Variants in GRIP1 observed in about 807,000 individuals in gnomAD.
The protein encoded by GRIP1 is glutamate receptor interacting protein 1.
A neutral mutation model predicts 129.9 loss-of-function variants in GRIP1; 45 were observed. That is an observed-to-expected ratio of 0.35 (90% CI 0.27 to 0.44). GRIP1 has a LOEUF of 0.44. Among genes scored for constraint, GRIP1 ranks in the 20% least tolerant of loss-of-function variants. The pLI is 1.00. For synonymous variants in GRIP1, 530 were observed against 520.8 expected (o/e 1.02, Z -0.24); for missense variants, 1,196 against 1,396.8 (o/e 0.86, Z 2.29).
At chr12:66,827,154 T>C (rs80192838) in intron 1 of GRIP1, among the ~76,000 whole-genome samples, 4,665 of 152,080 alleles carry the variant, frequency 0.031, 92 homozygotes, top group Non-Finnish European at 0.043. Context: ...GGGTCCGGAG[T>C]CTTGACAAGG....
intron 1 of GRIP1, among the ~76,000 whole-genome samples, chr12:66,614,081 G>T (rs1351887057): frequency 6.6e-6 from 1 of 151,968 alleles, no homozygotes; most frequent in East Asian, 1.9e-4. Context: ...ACCTCTGTTG[G>T]TGCCTCCTTC....
At chr12:66,516,455 GA>G (rs1422656985) in intron 6 of GRIP1, among the ~76,000 whole-genome samples, 7 of 152,102 alleles carry the variant, frequency 4.6e-5, no homozygotes, top group Admixed American at 3.3e-4. Flanking sequence ...CAAATGGTGG[GA>G]TTATATGTTT....
intron 2 of GRIP1, chr12:66,571,179 A>C (rs1592572076): frequency 6.6e-6 from 1 of 152,324 alleles, no homozygotes; most frequent in African/African-American, 2.4e-5. Context: ...TAAACATGAA[A>C]CTGTAAAACC....
At chr12:67,042,790 T>C (rs972039374) in intron 1 of GRIP1, among the ~76,000 whole-genome samples, 1 of 152,080 alleles carries the variant, frequency 6.6e-6, no homozygotes, top group East Asian at 1.9e-4. Context: ...ATCATGACTA[T>C]GAGTCATCAG....
chr12:66,965,906 G>T (rs994730148), intron 1 of GRIP1, among the ~76,000 whole-genome samples: 1 of 152,158 alleles, frequency 6.6e-6, no homozygotes, highest in African/African-American at 2.4e-5. Context: ...CTGCCAGACA[G>T]TCTGCTTTCA....
rs1404160192 is a variant in GRIP1 at position 66,582,637 on chromosome 12, G to C, written c.136+14210C>G. 4.3e-5 allele frequency among the ~76,000 whole-genome samples: 6 copies of C among 138,740 alleles called. 1 individual carries two copies. The highest frequency in any genetic ancestry group is 8.0e-5 in the Non-Finnish European group (5 of 62,638). 91.0% of individuals were successfully genotyped at this position (138,740 alleles called of 152,430 possible). A position where few individuals can be genotyped will look rare whatever the true frequency, so the allele number is the denominator to read the frequency against. On this transcript the variant is annotated intron_variant, in intron 2 of 24. Coordinates refer to ENST00000359742, the MANE Select transcript of GRIP1 (RefSeq NM_001366722.1). The stretch of plus-strand genomic sequence containing the variant: ...ACAGACAAACAGAGAGCCAAATCAT[G>C]AGTGAACTCCCATTCACAATTGCTT...
intron 1 of GRIP1, among the ~76,000 whole-genome samples, chr12:66,722,670 A>T (rs1309037625): frequency 6.6e-6 from 1 of 152,238 alleles, no homozygotes; most frequent in Non-Finnish European, 1.5e-5. Flanking sequence ...GAGGCCAATA[A>T]AATGAGGGAT....
chr12:66,707,917 G>T (rs1794597010), intron 1 of GRIP1, among the ~76,000 whole-genome samples: 1 of 152,014 alleles, frequency 6.6e-6, no homozygotes, highest in Admixed American at 6.6e-5. Context: ...AAAAATATAA[G>T]AAAGGCAGGA....
chr12:66,493,957 T>G (rs1229064163), intron 7 of GRIP1, among the ~76,000 whole-genome samples: 1 of 152,116 alleles, frequency 6.6e-6, no homozygotes, highest in Non-Finnish European at 1.5e-5. Context: ...GCAGGTGTAG[T>G]GCCCAGGAAT....
chr12:66,797,219 GTTCCC>G (rs2038725482), intron 1 of GRIP1, among the ~76,000 whole-genome samples: 1 of 152,182 alleles, frequency 6.6e-6, no homozygotes, highest in Non-Finnish European at 1.5e-5. Flanking sequence ...GAAGTTGTGT[GTTCCC>G]TCTAAAACAA....
At chr12:66,528,514 G>A (rs1214394989) in intron 5 of GRIP1, among the ~76,000 whole-genome samples, 5 of 152,074 alleles carry the variant, frequency 3.3e-5, no homozygotes, top group African/African-American at 4.8e-5. Context: ...ATGATGACTT[G>A]AGCTGAAGCA....
At chr12:66,638,703 G>A (rs1220419541) in intron 1 of GRIP1, among the ~76,000 whole-genome samples, 1 of 152,176 alleles carries the variant, frequency 6.6e-6, no homozygotes, top group East Asian at 1.9e-4. Context: ...TTCTTTAAAG[G>A]TCAGATCATC....
chr12:66,839,721 A>G (rs1203959658), intron 1 of GRIP1, among the ~76,000 whole-genome samples: 13 of 152,206 alleles, frequency 8.5e-5, no homozygotes, highest in Non-Finnish European at 1.8e-4. Flanking sequence ...GCTAAGTGAC[A>G]TCTTATTTAT....
At chr12:66,673,795 CTGTTCAAG>C (rs991117104) in intron 1 of GRIP1, among the ~76,000 whole-genome samples, 44 of 152,300 alleles carry the variant, frequency 2.9e-4, no homozygotes, top group African/African-American at 1.0e-3. Flanking sequence ...CAGCATTCTC[CTGTTCAAG>C]TGGGGTCTCT....
intron 1 of GRIP1, among the ~76,000 whole-genome samples, chr12:66,690,569 A>G (rs111688301): frequency 0.011 from 1,603 of 151,596 alleles, 30 homozygotes; most frequent in African/African-American, 0.036. Context: ...GTTTAGTACT[A>G]TTTTTAATTT....
chr12:67,003,655 T>C (rs1468099462), intron 1 of GRIP1, among the ~76,000 whole-genome samples: 3 of 152,078 alleles, frequency 2.0e-5, no homozygotes, highest in African/African-American at 7.2e-5. Context: ...ATTGCGCCAT[T>C]GCACTCCAGC....
At chr12:66,703,168 G>A (rs2136361377) in intron 1 of GRIP1, among the ~76,000 whole-genome samples, 1 of 152,224 alleles carries the variant, frequency 6.6e-6, no homozygotes, top group East Asian at 1.9e-4. Flanking sequence ...GACAGGGACT[G>A]GCCCACCTGG....
At chr12:66,737,919 A>G (rs1305551228) in intron 1 of GRIP1, among the ~76,000 whole-genome samples, 2 of 152,158 alleles carry the variant, frequency 1.3e-5, no homozygotes, top group Non-Finnish European at 2.9e-5. Context: ...CACGCACTGA[A>G]AAGAGAAAGG....
At chr12:66,370,736 C>G (rs1392525169) in intron 23 of GRIP1, among the ~76,000 whole-genome samples, 3 of 152,222 alleles carry the variant, frequency 2.0e-5, no homozygotes, top group African/African-American at 7.2e-5. Context: ...CTCCATTGCT[C>G]TCCTTGGCCC....
Sources: gnomAD v4.1 joint callset for allele counts (sites outside exome capture counted in the v4.1 genomes callset) on GRCh38, gnomAD v4.1.1 for gene constraint, MANE v1.5 for transcripts, NCBI Gene and HGNC (gene_info 2026-07-23, HGNC 2026-07-21) for gene names.